The following ITGA3 variants were observed in gnomAD, a reference collection of about 807,000 sequenced individuals.
ITGA3 encodes integrin alpha-3.
Under a neutral mutation model 131.1 loss-of-function variants are expected in ITGA3, and 70 were observed. The observed-to-expected ratio is 0.53, with a 90% CI of 0.44 to 0.65. The LOEUF (loss-of-function observed/expected upper bound fraction) is 0.65. Among genes scored for constraint, ITGA3 ranks in the 30% least tolerant of loss-of-function variants. The pLI, the probability that ITGA3 is intolerant of heterozygous loss-of-function variation, is 0.00. For missense variants in ITGA3, 1,098 were observed against 1,388.6 expected (o/e 0.79, Z 3.33); for synonymous variants, 537 against 571.6 (o/e 0.94, Z 0.86).
intron 23 of ITGA3, among the ~76,000 whole-genome samples, chr17:50,082,869 T>G (rs1384419161): frequency 6.6e-6 from 1 of 152,182 alleles, no homozygotes; most frequent in Non-Finnish European, 1.5e-5. Context: ...TCCACCCAAA[T>G]TATTCCAGTC....
At chr17:50,086,379 GA>G in intron 23 of ITGA3, 1 of 149,916 alleles carries the variant, frequency 6.7e-6, no homozygotes, top group Non-Finnish European at 1.5e-5. Context: ...TAAAAGAAGT[GA>G]AAATCATGTA....
intron 7 of ITGA3, 25 bp from the exon 8 acceptor site, chr17:50,073,891 C>A (rs1567700264): frequency 1.3e-6 from 2 of 1,591,334 alleles, no homozygotes; most frequent in South Asian, 1.1e-5. Context: ...ACCTGGGTGA[C>A]CCTGTCTTGC....
chr17:50,057,617 C>T (rs1160257777), intron 1 of ITGA3, among the ~76,000 whole-genome samples: 1 of 152,156 alleles, frequency 6.6e-6, no homozygotes, highest in Non-Finnish European at 1.5e-5. Context: ...CAAAGAGGGA[C>T]GGTGTTTAGG....
chr17:50,075,081 AT>A (rs574065657), intron 10 of ITGA3, among the ~76,000 whole-genome samples: 71 of 152,332 alleles, frequency 4.7e-4, no homozygotes, highest in Non-Finnish European at 8.7e-4. Context: ...GTGAATGAGG[AT>A]TTTGGATCAG....
chr17:50,075,350 C>A, intron 10 of ITGA3, 109 bp from the exon 11 acceptor site: 1 of 1,134,960 alleles, frequency 8.8e-7, no homozygotes, highest in Non-Finnish European at 1.3e-6. Context: ...TTGTCCCTGC[C>A]TCTCTCCAGA....
chr17:50,064,878 T>TGGGAACAAG lies in ITGA3; in HGVS notation c.414+272_414+280dup. The TGGGAACAAG allele has an allele frequency of 2.8e-6, 1 of 356,288 alleles. No individual in the cohort carries two copies. Among genetic ancestry groups the TGGGAACAAG allele is most frequent in the Non-Finnish European group, 5.1e-6 (1 of 196,416 alleles). The allele number at this position is 356,288 out of a possible 1,614,324, so 22.1% of individuals were successfully genotyped here. A position where few individuals can be genotyped will look rare whatever the true frequency, so the allele number is the denominator to read the frequency against. The stretch of plus-strand genomic sequence containing the variant: ...GCCTACACTGGGTGCTCAGCCTTCG[T>TGGGAACAAG]GGGAACAAGCCGAGGGAGCCGAGGG... On this transcript the variant is annotated intron_variant, in intron 3 of 25. Transcript: ENST00000320031. The surrounding 1 kb of genome is among the most constrained non-coding windows in gnomAD (Gnocchi z 4.4).
chr17:50,071,602 G>A (rs1908637033), intron 6 of ITGA3, 84 bp downstream of exon 6: 3 of 1,279,710 alleles, frequency 2.3e-6, no homozygotes, highest in South Asian at 1.4e-5. Flanking sequence ...GGGAGTGGAG[G>A]ATTTGCAGTT....
intron 10 of ITGA3, 79 bp downstream of exon 10, chr17:50,074,613 T>C: frequency 2.1e-6 from 2 of 960,240 alleles, no homozygotes; most frequent in Non-Finnish European, 3.3e-6. Flanking sequence ...ACCCCTCCCC[T>C]GGCCTCCTGA....
intron 23 of ITGA3, chr17:50,087,539 C>A: frequency 1.9e-6 from 1 of 532,274 alleles, no homozygotes; most frequent in Admixed American, 3.1e-5. Context: ...GGCCGCTCCT[C>A]TGGAGTCAAG....
chr17:50,089,719 A>T lies in ITGA3; in HGVS notation c.*641A>T, dbSNP rs1265109841. 3 of 173,474 alleles carry T rather than the reference A, an allele frequency of 1.7e-5. No homozygotes were observed. The highest frequency in any genetic ancestry group is 1.7e-4 in the Admixed American group (3 of 17,960). 10.7% of individuals were successfully genotyped at this position (173,474 alleles called of 1,614,324 possible). A position where few individuals can be genotyped will look rare whatever the true frequency, so the allele number is the denominator to read the frequency against. On this transcript the variant is annotated 3_prime_UTR_variant, in exon 26 of 26. Transcript: ENST00000320031. ...TGACTTTGCTGTCAAAACTACTGAC[A>T]GGGAGCAGCCCCCGGGCCGCTGGCT...
chr17:50,076,210 C>T, intron 12 of ITGA3, 116 bp from the exon 13 acceptor site: 1 of 1,201,088 alleles, frequency 8.3e-7, no homozygotes, highest in Non-Finnish European at 1.2e-6. Context: ...GCCTAACTGT[C>T]AGGTTTTCAG....
intron 19 of ITGA3, 70 bp from the exon 20 acceptor site, chr17:50,079,006 G>A (rs1371973322): frequency 6.6e-7 from 1 of 1,516,556 alleles, no homozygotes. Context: ...GAAGGTGGGA[G>A]GGTTGGGGGT....
intron 23 of ITGA3, among the ~76,000 whole-genome samples, chr17:50,084,672 C>G (rs1002136668): frequency 1.3e-5 from 2 of 152,072 alleles, no homozygotes; most frequent in Admixed American, 1.3e-4. Flanking sequence ...ATAATCCTAA[C>G]ACTTTGGGAG....
In ITGA3 at chr17:50,077,133, C is replaced by T; in HGVS notation, c.2070+12C>T. On this transcript the variant is annotated intron_variant, in intron 15 of 25. Coordinates refer to ENST00000320031, the MANE Select transcript of ITGA3 (RefSeq NM_002204.4). ...CCTCAGTGCGCCCCGTGAGTGCCCG[C>T]CGGCCGGCTCAGAGCCCAAGCAGGG... 2 of 1,530,426 alleles carry T rather than the reference C, an allele frequency of 1.3e-6. No individual in the cohort carries two copies. Among genetic ancestry groups the T allele is most frequent in the Non-Finnish European group, 1.8e-6 (2 of 1,131,860 alleles). 94.8% of individuals were successfully genotyped at this position (1,530,426 alleles called of 1,614,324 possible). A position where few individuals can be genotyped will look rare whatever the true frequency, so the allele number is the denominator to read the frequency against.
chr17:50,085,211 AG>A (rs1313911584), intron 23 of ITGA3, among the ~76,000 whole-genome samples: 1 of 150,574 alleles, frequency 6.6e-6, no homozygotes, highest in Non-Finnish European at 1.5e-5. Context: ...AAAAAAAAAA[AG>A]AAAGAAAAGG....
intron 24 of ITGA3, 45 bp downstream of exon 24, chr17:50,087,914 A>G: frequency 1.3e-6 from 2 of 1,509,230 alleles, no homozygotes; most frequent in Non-Finnish European, 1.8e-6. Context: ...CCACCAGCAC[A>G]CTCACCAGCC....
intron 18 of ITGA3, among the ~76,000 whole-genome samples, chr17:50,078,593 C>T (rs965403549): frequency 3.3e-5 from 5 of 152,136 alleles, no homozygotes; most frequent in South Asian, 4.2e-4. Context: ...CTCACAGCAG[C>T]CCTGTGATAC....
At chr17:50,076,926 T>C (rs9898735) in intron 14 of ITGA3, 48 bp from the exon 15 acceptor site, 1 of 1,568,806 alleles carries the variant, frequency 6.4e-7, no homozygotes. Context: ...GATCCGGGAG[T>C]GCCCTGGGGG....
In ITGA3 at chr17:50,068,843, TTTATTTATTTATTTA is replaced by T. The variant is rs559335786; in HGVS notation, c.664+541_664+555del. ...ATTTATTTATTTATTTATTTATTTA[TTTATTTATTTATTTA>T]TTTTTTTGAGACAGAGTCTCACTCT... On this transcript the variant is annotated intron_variant, in intron 4 of 25. Coordinates refer to ENST00000320031, the MANE Select transcript of ITGA3 (RefSeq NM_002204.4). Among the ~76,000 whole-genome samples the T allele has an allele frequency of 9.9e-4, 121 of 122,666 alleles. 2 individuals are homozygous for T. The highest frequency in any genetic ancestry group is 7.4e-3 in the South Asian group (20 of 2,708). 80.5% of individuals were successfully genotyped at this position (122,666 alleles called of 152,430 possible). A position where few individuals can be genotyped will look rare whatever the true frequency, so the allele number is the denominator to read the frequency against.
Sources: allele counts gnomAD v4.1 joint callset (sites outside exome capture counted in the v4.1 genomes callset), GRCh38; gene constraint gnomAD v4.1.1; non-coding constraint Gnocchi (gnomAD v3.1); transcripts MANE v1.5; gene names NCBI Gene and HGNC (gene_info 2026-07-23, HGNC 2026-07-21).